The following PSMD9 variants were observed in gnomAD, a reference collection of about 807,000 sequenced individuals.
PSMD9 encodes 26S proteasome non-ATPase regulatory subunit 9.
Under a neutral mutation model 25.9 loss-of-function variants are expected in PSMD9, and 26 were observed. That is an observed-to-expected ratio of 1.00 (90% CI 0.73 to 1.39). The LOEUF is 1.39. Among genes scored for constraint, PSMD9 ranks in the 40% most tolerant of loss-of-function variants. The probability of loss-of-function intolerance (pLI) is 0.00; values close to 1 mark genes in which losing one functional copy is unlikely to be tolerated. For missense variants in PSMD9, 303 were observed against 299.3 expected (o/e 1.01, Z -0.09); for synonymous variants, 110 against 114.5 (o/e 0.96, Z 0.25).
In PSMD9 at chr12:121,888,855, C is replaced by G. The variant is rs757656020; in HGVS notation, c.-2C>G. The G allele has an allele frequency of 1.4e-5, 22 of 1,601,858 alleles. No homozygotes were observed. Among genetic ancestry groups the G allele is most frequent in the Non-Finnish European group, 1.9e-5 (22 of 1,175,326 alleles). On this transcript the variant is annotated 5_prime_UTR_variant, in exon 1 of 6. Coordinates refer to ENST00000541212, the MANE Select transcript of PSMD9 (RefSeq NM_002813.7). ...CTCTGGAGTCGCGGCCCGGGGTTCACGATGTCCGACGAGGAAGCGAGGCAG... is the reference window on the plus strand; with the variant it reads ...CTCTGGAGTCGCGGCCCGGGGTTCAGGATGTCCGACGAGGAAGCGAGGCAG...
At chr12:121,895,775 G>T (rs1384086922) in intron 2 of PSMD9, among the ~76,000 whole-genome samples, 1 of 152,108 alleles carries the variant, frequency 6.6e-6, no homozygotes, top group African/African-American at 2.4e-5. Flanking sequence ...GATCATGTCC[G>T]AATCTTAAGG....
At chr12:121,913,932 C>T (rs1879816330) in intron 4 of PSMD9, among the ~76,000 whole-genome samples, 1 of 152,042 alleles carries the variant, frequency 6.6e-6, no homozygotes, top group South Asian at 2.1e-4. Flanking sequence ...CAGGGTCTCA[C>T]TCTGTTGCCC....
In PSMD9 at chr12:121,916,462, C is replaced by G. The variant is rs1456782277; in HGVS notation, c.*151C>G. The stretch of plus-strand genomic sequence containing the variant: ...GTGTGGTGGCAGTACTGTGGCCCAC[C>G]AGTGTAATCTCCCTGGATTAAGGCA... On this transcript the variant is annotated 3_prime_UTR_variant, in exon 6 of 6. Transcript: ENST00000541212. 1.1e-6 allele frequency: 1 copy of G among 930,270 alleles called. No individual in the cohort carries two copies. The highest frequency in any genetic ancestry group is 1.6e-5 in the African/African-American group (1 of 60,856). The allele number at this position is 930,270 out of a possible 1,614,324, so 57.6% of individuals were successfully genotyped here.
At chr12:121,904,720 C>T (rs1440370678) in intron 4 of PSMD9, among the ~76,000 whole-genome samples, 5 of 145,700 alleles carry the variant, frequency 3.4e-5, no homozygotes, top group African/African-American at 1.3e-4. Context: ...TGCAGTGGTG[C>T]GATCTTGGCT....
At chr12:121,889,129 G>T in intron 1 of PSMD9, 135 bp downstream of exon 1, 4 of 1,093,138 alleles carry the variant, frequency 3.7e-6, no homozygotes, top group South Asian at 1.6e-5. Context: ...CGCAAGTGCG[G>T]CCTCTGTCGG....
rs1386765102 is a variant in PSMD9, at chr12:121,888,860, T to C, written c.4T>C (p.Ser2Pro). Residue 2 changes from serine to proline, a missense_variant, in exon 1 of 6, where the codon TCC (serine) becomes CCC (proline). By Grantham distance (74) the Ser-to-Pro change is moderately conservative. Coordinates refer to ENST00000541212, the MANE Select transcript of PSMD9 (RefSeq NM_002813.7). ...GAGTCGCGGCCCGGGGTTCACGATG[T>C]CCGACGAGGAAGCGAGGCAGAGCGG... MSDEEARQSGGS... is the reference protein window; with the variant it reads MPDEEARQSGGS... The C allele has an allele frequency of 6.2e-7, 1 of 1,603,388 alleles. No homozygotes were observed. Among genetic ancestry groups the C allele is most frequent in the Non-Finnish European group, 8.5e-7 (1 of 1,175,974 alleles).
Position 121,903,108 on chromosome 12 carries a change from G to T in PSMD9, c.555+1G>T, listed in dbSNP as rs773819292. ...CAGTGTGGTGCAGCACAGTGAGGGG[G>T]TGAGTGGGGCTACCTGGTGTCTCGG... On this transcript the variant is annotated splice_donor_variant, in intron 4 of 5. Coordinates refer to ENST00000541212, the MANE Select transcript of PSMD9 (RefSeq NM_002813.7). LOFTEE classifies it high-confidence loss of function. 2.5e-6 allele frequency: 4 copies of T among 1,612,722 alleles called. No homozygotes were observed. In the South Asian group the frequency reaches 3.3e-5, roughly 13 times the overall value.
At chr12:121,908,321 G>A (rs1879621161) in intron 4 of PSMD9, among the ~76,000 whole-genome samples, 1 of 151,980 alleles carries the variant, frequency 6.6e-6, no homozygotes, top group Non-Finnish European at 1.5e-5. Context: ...TGGGATTACA[G>A]GCATGCACCA....
rs1879449126 is a variant in PSMD9, at chr12:121,903,127, G to A, written c.555+20G>A. 2 of 1,599,570 alleles carry A rather than the reference G, an allele frequency of 1.3e-6. No homozygotes were observed. Among genetic ancestry groups the A allele is most frequent in the East Asian group, 2.2e-5 (1 of 44,784 alleles). On this transcript the variant is annotated intron_variant, in intron 4 of 5. Coordinates refer to ENST00000541212, the MANE Select transcript of PSMD9 (RefSeq NM_002813.7). ...GAGGGGGTGAGTGGGGCTACCTGGT[G>A]TCTCGGTCTGTTTGGGTTTTTCTAA...
At chr12:121,892,390 C>T (rs1013880805) in intron 1 of PSMD9, among the ~76,000 whole-genome samples, 1 of 151,626 alleles carries the variant, frequency 6.6e-6, no homozygotes, top group Non-Finnish European at 1.5e-5. Context: ...ACAGTAAGAG[C>T]CTATCTTTAC....
intron 4 of PSMD9, among the ~76,000 whole-genome samples, chr12:121,911,863 G>A (rs1365489267): frequency 1.3e-5 from 2 of 151,696 alleles, no homozygotes; most frequent in Non-Finnish European, 2.9e-5. Flanking sequence ...ATGTTGACCA[G>A]GCTCGCCTCG....
At chr12:121,893,708 A>G (rs1407318621) in intron 1 of PSMD9, 1 of 152,028 alleles carries the variant, frequency 6.6e-6, no homozygotes, top group Non-Finnish European at 1.5e-5. Flanking sequence ...TCCCACACCT[A>G]CCTCTGCCTT....
intron 4 of PSMD9, among the ~76,000 whole-genome samples, chr12:121,910,186 A>C (rs184381568): frequency 4.5e-4 from 64 of 142,306 alleles, no homozygotes; most frequent in African/African-American, 1.6e-3. Flanking sequence ...CCCAGGTTCA[A>C]GCGATTCTCC....
Position 121,918,233 on chromosome 12 carries a change from C to G in PSMD9, c.*1922C>G, listed in dbSNP as rs528367030. The G allele has an allele frequency of 2.0e-5, 3 of 152,402 alleles. No individual in the cohort carries two copies. In the South Asian group the frequency reaches 6.2e-4, roughly 32 times the overall value. 9.4% of individuals were successfully genotyped at this position (152,402 alleles called of 1,614,324 possible). A position where few individuals can be genotyped will look rare whatever the true frequency, so the allele number is the denominator to read the frequency against. On this transcript the variant is annotated 3_prime_UTR_variant, in exon 6 of 6. Transcript: ENST00000541212. The surrounding 1 kb of genome is among the most constrained non-coding windows in gnomAD (Gnocchi z 4.3). ...ACGCGGTGCCCGGTGAGGAGGCAGG[C>G]AGGACGGTTGTGTGCTGCATCCATG... is the stretch of plus-strand genomic sequence containing the variant.
chr12:121,891,922 AAAG>A (rs1423553940), intron 1 of PSMD9, among the ~76,000 whole-genome samples: 2 of 151,264 alleles, frequency 1.3e-5, no homozygotes, highest in Non-Finnish European at 2.9e-5. Flanking sequence ...AAAAAAAAAA[AAAG>A]AAGTGGACAG....
intron 1 of PSMD9, among the ~76,000 whole-genome samples, chr12:121,890,773 A>G (rs1053134788): frequency 1.3e-5 from 2 of 152,106 alleles, no homozygotes; most frequent in Non-Finnish European, 2.9e-5. Context: ...TGCCTTGCCC[A>G]TAAATGTATT....
At chr12:121,913,692 A>T (rs1473502644) in intron 4 of PSMD9, among the ~76,000 whole-genome samples, 2 of 150,870 alleles carry the variant, frequency 1.3e-5, no homozygotes, top group African/African-American at 2.4e-5. Flanking sequence ...TAAAGACGAG[A>T]TCTCTCTTTG....
chr12:121,912,373 T>C (rs1879750951), intron 4 of PSMD9, among the ~76,000 whole-genome samples: 1 of 152,150 alleles, frequency 6.6e-6, no homozygotes, highest in South Asian at 2.1e-4. Flanking sequence ...TGTTTTCCAC[T>C]GCCGTGCACC....
intron 1 of PSMD9, among the ~76,000 whole-genome samples, chr12:121,892,289 C>T (rs945369765): frequency 1.3e-5 from 2 of 152,136 alleles, no homozygotes; most frequent in African/African-American, 4.8e-5. Flanking sequence ...AATGGCCAGG[C>T]GTGGTGGCTC....
Sources: allele counts gnomAD v4.1 joint callset (sites outside exome capture counted in the v4.1 genomes callset), GRCh38; gene constraint gnomAD v4.1.1; non-coding constraint Gnocchi (gnomAD v3.1); transcripts MANE v1.5; gene names NCBI Gene and HGNC (gene_info 2026-07-23, HGNC 2026-07-21).